The following KREMEN1 variants were observed in gnomAD, a reference collection of about 807,000 sequenced individuals.
KREMEN1 encodes kremen protein 1.
KREMEN1 carries 30 observed loss-of-function variants against 46.5 expected under a neutral mutation model. The observed-to-expected ratio is 0.65, with a 90% CI of 0.48 to 0.88. The LOEUF (loss-of-function observed/expected upper bound fraction) is 0.88. Ranked by LOEUF, KREMEN1 falls within the 40% of genes least tolerant of loss-of-function variation. The probability of loss-of-function intolerance (pLI) is 0.00; values close to 1 mark genes in which losing one functional copy is unlikely to be tolerated. For missense variants in KREMEN1, 533 were observed against 596.9 expected (o/e 0.89, Z 1.11); for synonymous variants, 214 against 230.6 (o/e 0.93, Z 0.65).
At chr22:29,127,625 G>A (rs2038466908) in intron 5 of KREMEN1, among the ~76,000 whole-genome samples, 1 of 151,910 alleles carries the variant, frequency 6.6e-6, no homozygotes, top group Non-Finnish European at 1.5e-5. Context: ...ATAGCGCTCT[G>A]CCTGGCGACA....
intron 9 of KREMEN1, among the ~76,000 whole-genome samples, chr22:29,166,764 C>A (rs1396423388): frequency 6.6e-6 from 1 of 151,818 alleles, no homozygotes; most frequent in Non-Finnish European, 1.5e-5. Context: ...TATAGTGAGA[C>A]CCCATCTTTC....
Position 29,144,162 on chromosome 22 carries a change from G to T in KREMEN1, c.*2050G>T. 8.1e-6 allele frequency: 8 copies of T among 985,638 alleles called. No homozygotes were observed. Among genetic ancestry groups the T allele is most frequent in the Non-Finnish European group, 9.6e-6 (8 of 830,084 alleles). 61.1% of individuals were successfully genotyped at this position (985,638 alleles called of 1,614,324 possible). A position where few individuals can be genotyped will look rare whatever the true frequency, so the allele number is the denominator to read the frequency against. ...TGATTGTTGCGCCTCTGGCTTTGGCGTTTCCTCTTTGCAGCACTTTGCCTA... is the reference window on the plus strand; with the variant it reads ...TGATTGTTGCGCCTCTGGCTTTGGCTTTTCCTCTTTGCAGCACTTTGCCTA... On this transcript the variant is annotated 3_prime_UTR_variant, in exon 9 of 9. Coordinates refer to ENST00000400335, the MANE Select transcript of KREMEN1 (RefSeq NM_001039570.3).
intron 1 of KREMEN1, among the ~76,000 whole-genome samples, chr22:29,074,542 G>A (rs977650198): frequency 6.6e-6 from 1 of 152,294 alleles, no homozygotes; most frequent in East Asian, 1.9e-4. Flanking sequence ...GCAAGAGGGC[G>A]TTGCATTTCT....
chr22:29,167,043 G>A lies in KREMEN1; in HGVS notation c.1417-1G>A, dbSNP rs1350020628. ...ACTCATTGTCCTTCCTACCTTCCCA[G>A]GCAATTCAGGACTCGGAAGTGACAT... On this transcript the variant is annotated splice_acceptor_variant, in intron 9 of 9. Transcript: ENST00000327813. LOFTEE classifies it high-confidence loss of function. The A allele has an allele frequency of 5.8e-6, 9 of 1,551,316 alleles. No homozygotes were observed. The highest frequency in any genetic ancestry group is 1.4e-5 in the African/African-American group (1 of 73,160).
chr22:29,083,062 G>A (rs868309351), intron 1 of KREMEN1, among the ~76,000 whole-genome samples: 4 of 152,014 alleles, frequency 2.6e-5, no homozygotes, highest in East Asian at 1.9e-4. Flanking sequence ...CTGCCGCCAC[G>A]CCTGGCTAAT....
rs2123912817 is a variant in KREMEN1, at chr22:29,073,441, G to A, written c.97+214G>A. Among the ~76,000 whole-genome samples, 1 of 151,626 alleles carries A rather than the reference G, an allele frequency of 6.6e-6. No homozygotes were observed. The highest frequency in any genetic ancestry group is 3.4e-3 in the Middle Eastern group (1 of 290). On this transcript the variant is annotated intron_variant, in intron 1 of 8. Transcript: ENST00000400335. This position sits in a 1 kb window ranked among gnomAD's most constrained non-coding sequence, Gnocchi z 4.4. ...CATCGACGCCCCCGGGCCCGGTACTGTCCCCCGGCTGCAGGACCCGGTGCT... is the reference window on the plus strand; with the variant it reads ...CATCGACGCCCCCGGGCCCGGTACTATCCCCCGGCTGCAGGACCCGGTGCT...
rs763173079 is a variant in KREMEN1 at position 29,137,352 on chromosome 22, C to T, written c.642C>T (p.Gly214=). The change falls in exon 6 of 9, where the codon GGC becomes GGT. Residue 214 remains glycine, a synonymous_variant. Coordinates refer to ENST00000400335, the MANE Select transcript of KREMEN1 (RefSeq NM_001039570.3). ...GRIILFDTLV[G]ACGGNYSAMS... Reference sequence around the variant, plus strand: ...TTTTCTCTCCTACAGCTCTCGTGGGCGCCTGCGGTGGGAACTACTCAGCCA... The same window carrying T: ...TTTTCTCTCCTACAGCTCTCGTGGGTGCCTGCGGTGGGAACTACTCAGCCA... 28 of 1,478,912 alleles carry T rather than the reference C, an allele frequency of 1.9e-5. No homozygotes were observed. The East Asian group carries it at 3.5e-4, about 19-fold the overall frequency. The allele number at this position is 1,478,912 out of a possible 1,614,324, so 91.6% of individuals were successfully genotyped here. A position where few individuals can be genotyped will look rare whatever the true frequency, so the allele number is the denominator to read the frequency against.
In KREMEN1 at chr22:29,153,211, C is replaced by T. The variant is rs371042350; in HGVS notation, c.1416+11111C>T. On this transcript the variant is annotated intron_variant, in intron 9 of 9. Coordinates refer to the KREMEN1 transcript ENST00000327813. The stretch of plus-strand genomic sequence containing the variant: ...CATGTTGGTTTTGGCGGGTTTTGTC[C>T]GGCTTCTTCACTGCATCTCATTTTA... Among the ~76,000 whole-genome samples the T allele has an allele frequency of 5.9e-5, 9 of 152,176 alleles. No homozygotes were observed. In the East Asian group the frequency reaches 1.2e-3, roughly 20 times the overall value.
At chr22:29,076,350 T>C (rs1036978039) in intron 1 of KREMEN1, among the ~76,000 whole-genome samples, 2 of 152,220 alleles carry the variant, frequency 1.3e-5, no homozygotes, top group Non-Finnish European at 2.9e-5. Flanking sequence ...AGCTTCATAC[T>C]GTCTACCAAT....
In KREMEN1 at chr22:29,142,680, T is replaced by G; in HGVS notation, c.*568T>G. The G allele has an allele frequency of 1.0e-6, 1 of 985,558 alleles. No homozygotes were observed. Among genetic ancestry groups the G allele is most frequent in the Non-Finnish European group, 1.2e-6 (1 of 830,024 alleles). The allele number at this position is 985,558 out of a possible 1,614,324, so 61.1% of individuals were successfully genotyped here. A position where few individuals can be genotyped will look rare whatever the true frequency, so the allele number is the denominator to read the frequency against. On this transcript the variant is annotated 3_prime_UTR_variant, in exon 9 of 9. Coordinates refer to ENST00000400335, the MANE Select transcript of KREMEN1 (RefSeq NM_001039570.3). ...AGTGTCTGTGCTGCCCCGGCAGCTT[T>G]GCTCTCCAGATGCTGGACTAGGGTG...
rs753305290 is a variant in KREMEN1, at chr22:29,142,560, G to A, written c.*448G>A. 2 of 986,092 alleles carry A rather than the reference G, an allele frequency of 2.0e-6. No homozygotes were observed. Among genetic ancestry groups the A allele is most frequent in the African/African-American group, 1.7e-5 (1 of 57,258 alleles). The allele number at this position is 986,092 out of a possible 1,614,324, so 61.1% of individuals were successfully genotyped here. A position where few individuals can be genotyped will look rare whatever the true frequency, so the allele number is the denominator to read the frequency against. On this transcript the variant is annotated 3_prime_UTR_variant, in exon 9 of 9. Coordinates refer to ENST00000400335, the MANE Select transcript of KREMEN1 (RefSeq NM_001039570.3). ...CAGTTTCTCCTGATCTTTATGTCTT[G>A]GAACAGGGCCAGACAGGGAGAACTC...
At chr22:29,092,495 G>A (rs995152264) in intron 1 of KREMEN1, among the ~76,000 whole-genome samples, 14 of 152,310 alleles carry the variant, frequency 9.2e-5, no homozygotes, top group African/African-American at 3.1e-4. Context: ...TCAGCAGCAG[G>A]TCCAGGACAA....
At chr22:29,092,029 A>G (rs2037813491) in intron 1 of KREMEN1, among the ~76,000 whole-genome samples, 1 of 152,184 alleles carries the variant, frequency 6.6e-6, no homozygotes, top group Admixed American at 6.5e-5. Flanking sequence ...CCTTGCAGAC[A>G]CCGAGGAAGA....
intron 3 of KREMEN1, chr22:29,111,559 A>G (rs1289396544): frequency 1.4e-5 from 2 of 141,982 alleles, no homozygotes; most frequent in East Asian, 2.3e-4. Flanking sequence ...GCTTGCAGTG[A>G]GCTGAGATCG....
intron 1 of KREMEN1, among the ~76,000 whole-genome samples, chr22:29,082,352 C>T (rs866189297): frequency 1.3e-5 from 2 of 152,186 alleles, no homozygotes; most frequent in African/African-American, 4.8e-5. Context: ...CCACTGCACC[C>T]AGCCCCCATC....
chr22:29,118,391 T>G (rs1569324790), intron 3 of KREMEN1, among the ~76,000 whole-genome samples: 1 of 152,118 alleles, frequency 6.6e-6, no homozygotes, highest in East Asian at 1.9e-4. Context: ...TACAAGGGCA[T>G]GAATACCAGG....
chr22:29,152,960 G>A (rs923007845), intron 9 of KREMEN1, among the ~76,000 whole-genome samples: 2 of 152,174 alleles, frequency 1.3e-5, no homozygotes, highest in East Asian at 3.9e-4. Context: ...GTAGACTTAC[G>A]GTTATTTCTT....
chr22:29,085,004 T>G (rs2037708558), intron 1 of KREMEN1, among the ~76,000 whole-genome samples: 1 of 152,214 alleles, frequency 6.6e-6, no homozygotes, highest in Non-Finnish European at 1.5e-5. Flanking sequence ...TTTGTTGTGG[T>G]AATTCCACTT....
chr22:29,153,290 A>G (rs1317882188), intron 9 of KREMEN1, among the ~76,000 whole-genome samples: 3 of 152,070 alleles, frequency 2.0e-5, no homozygotes, highest in African/African-American at 7.2e-5. Flanking sequence ...CCGACCTCCT[A>G]TCTCATCCTG....
Sources: gnomAD v4.1 joint callset for allele counts (sites outside exome capture counted in the v4.1 genomes callset) on GRCh38, gnomAD v4.1.1 for gene constraint, Gnocchi (gnomAD v3.1) non-coding constraint, MANE v1.5 for transcripts, NCBI Gene and HGNC (gene_info 2026-07-23, HGNC 2026-07-21) for gene names.